SRL: variants seen among roughly 807,000 people sequenced by gnomAD.
SRL encodes the protein sarcalumenin.
A neutral mutation model predicts 39.5 loss-of-function variants in SRL; 23 were observed. The observed-to-expected ratio is 0.58, with a 90% confidence interval of 0.42 to 0.82. The LOEUF (loss-of-function observed/expected upper bound fraction) is 0.82. SRL is among the 40% of genes least tolerant of loss of function. The probability of loss-of-function intolerance (pLI) is 0.00; values close to 1 mark genes in which losing one functional copy is unlikely to be tolerated. For missense variants in SRL, 592 were observed against 607.8 expected, an observed-to-expected ratio of 0.97 and a Z score of 0.27; for synonymous variants, 272 against 237.4, an observed-to-expected ratio of 1.15 and a Z score of -1.34.
At chr16:4,232,557 C>A (rs2052670995) in intron 1 of SRL, among the ~76,000 whole-genome samples, 2 of 151,928 alleles carry the variant, frequency 1.3e-5, no homozygotes, top group African/African-American at 4.8e-5. Context: ...GGCACCCAGA[C>A]TGGAGTGCAC....
At chr16:4,214,947 T>C (rs1232806433) in intron 1 of SRL, among the ~76,000 whole-genome samples, 1 of 152,034 alleles carries the variant, frequency 6.6e-6, no homozygotes, top group Non-Finnish European at 1.5e-5. Flanking sequence ...TTTGTATTTT[T>C]AGTAGAGACA....
intron 1 of SRL, among the ~76,000 whole-genome samples, chr16:4,229,079 G>A (rs1471688556): frequency 1.3e-5 from 2 of 151,996 alleles, no homozygotes; most frequent in East Asian, 1.9e-4. Context: ...AATCAACCCA[G>A]ATGCCCACCA....
chr16:4,199,007 G>A (rs1293935902), intron 3 of SRL, among the ~76,000 whole-genome samples: 3 of 152,128 alleles, frequency 2.0e-5, no homozygotes. Context: ...TCTTATTGCA[G>A]ATTTTCAGGC....
chr16:4,228,554 T>G lies in SRL; in HGVS notation c.61+13453A>C, dbSNP rs190477290. Among the ~76,000 whole-genome samples, 689 of 151,492 alleles carry G rather than the reference T, an allele frequency of 4.5e-3. 23 individuals carry two copies. The highest frequency in any genetic ancestry group is 0.043 in the Admixed American group (649 of 15,214). On this transcript the variant is annotated intron_variant, in intron 1 of 5. Transcript: ENST00000399609. ...ATCGAGACCATCCTGGCTAACACGG[T>G]GAAACCCCGTCTCTACTAAAAATAC...
chr16:4,192,507 G>A lies in SRL; in HGVS notation c.1068C>T (p.Asp356=). 6.2e-7 allele frequency: 1 copy of A among 1,614,204 alleles called. No homozygotes were observed. Among genetic ancestry groups the A allele is most frequent in the East Asian group, 2.2e-5 (1 of 44,884 alleles). Residue 356 remains aspartate (D), a synonymous_variant, in exon 6 of 6, where the codon GAC becomes GAT. Transcript: ENST00000399609. The surrounding 1 kb of genome is among the most constrained non-coding windows in gnomAD (Gnocchi z 4.0). Reference sequence around the variant, plus strand: ...CTCCATCACTGAAGAAGGTCATTTTGTCCTTGTAAGTCTGCAGGTAGCGGT... The same window carrying A: ...CTCCATCACTGAAGAAGGTCATTTTATCCTTGTAAGTCTGCAGGTAGCGGT... ...LVDRYLQTYK[D]KMTFFSDGEL...
At chr16:4,236,352 G>A (rs1391347267) in intron 1 of SRL, among the ~76,000 whole-genome samples, 2 of 152,028 alleles carry the variant, frequency 1.3e-5, no homozygotes, top group African/African-American at 2.4e-5. Context: ...GAAGACCTGG[G>A]CTTGCAGGTC....
chr16:4,198,016 T>C, intron 3 of SRL, 101 bp from the exon 4 acceptor site: 2 of 815,684 alleles, frequency 2.5e-6, no homozygotes, highest in South Asian at 2.9e-5. Context: ...TCCAACTGAG[T>C]TGTGGAATTC....
chr16:4,217,507 G>C (rs1390210038), intron 1 of SRL, among the ~76,000 whole-genome samples: 3 of 152,240 alleles, frequency 2.0e-5, no homozygotes, highest in South Asian at 2.1e-4. Flanking sequence ...CAGCCTTAGC[G>C]TCTCAAAGTG....
intron 1 of SRL, among the ~76,000 whole-genome samples, chr16:4,225,030 T>C (rs112565640): frequency 1.6e-3 from 246 of 152,168 alleles, no homozygotes; most frequent in African/African-American, 5.8e-3. Flanking sequence ...TATACGAAAG[T>C]CCAGAATAAG....
At chr16:4,236,736 C>T (rs377002514) in intron 1 of SRL, among the ~76,000 whole-genome samples, 199 of 152,180 alleles carry the variant, frequency 1.3e-3, no homozygotes, top group African/African-American at 4.6e-3. Flanking sequence ...CTCTGCCTCC[C>T]GGGTACAAGC....
intron 5 of SRL, 102 bp from the exon 6 acceptor site, chr16:4,193,066 A>C: frequency 3.0e-6 from 3 of 1,011,592 alleles, no homozygotes; most frequent in Non-Finnish European, 4.3e-6. Context: ...AAGAAGGAAC[A>C]GCGCTACGGA....
At chr16:4,198,538 C>G (rs1302097398) in intron 3 of SRL, among the ~76,000 whole-genome samples, 1 of 152,126 alleles carries the variant, frequency 6.6e-6, no homozygotes, top group Non-Finnish European at 1.5e-5. Flanking sequence ...AATTACTGGG[C>G]TCAAGCAATC....
Position 4,242,023 on chromosome 16 carries a change from C to G in SRL, c.45G>C (p.Leu15=). The G allele has an allele frequency of 1.9e-6, 3 of 1,613,616 alleles. No homozygotes were observed. Among genetic ancestry groups the G allele is most frequent in the African/African-American group, 1.3e-5 (1 of 75,054 alleles). ...GGGCCCTACCTGCTTGTCCTGAGAA[C>G]AGGAGCGAGGCCAGGAGGCAGCCGA... ...VLLGCLLASL[L]FSGQAEETED... Residue 15 remains leucine (L), a synonymous_variant, in exon 1 of 6, where the codon CTG becomes CTC. Transcript: ENST00000399609.
At chr16:4,208,171 A>G (rs553161008) in intron 1 of SRL, 7 of 379,558 alleles carry the variant, frequency 1.8e-5, no homozygotes, top group South Asian at 1.2e-4. Context: ...TCAAGAGTCT[A>G]TAATAACCTA....
chr16:4,195,326 A>C (rs2052121058), intron 5 of SRL, among the ~76,000 whole-genome samples: 1 of 152,120 alleles, frequency 6.6e-6, no homozygotes, highest in African/African-American at 2.4e-5. Flanking sequence ...CCTCCTGGGT[A>C]GCTAGGACCA....
chr16:4,207,012 TG>T (rs748800863), intron 1 of SRL: 8 of 453,894 alleles, frequency 1.8e-5, no homozygotes, highest in South Asian at 1.2e-4. Flanking sequence ...CTCGGCTTCC[TG>T]GGGATCCCCG....
Position 4,197,029 on chromosome 16 carries a change from C to CT in SRL, c.376+769dup, listed in dbSNP as rs1260890442. Among the ~76,000 whole-genome samples the CT allele has an allele frequency of 1.8e-4, 19 of 102,740 alleles. 1 individual carries two copies. In the South Asian group the frequency reaches 6.1e-3, roughly 33 times the overall value. 67.4% of individuals were successfully genotyped at this position (102,740 alleles called of 152,430 possible). On this transcript the variant is annotated intron_variant, in intron 4 of 5. Coordinates refer to ENST00000399609, the MANE Select transcript of SRL (RefSeq NM_001098814.2). The stretch of plus-strand genomic sequence containing the variant: ...CTGCTATGGACATTGGTGCAGATGT[C>CT]TTTTTTTGTTTTCTGTTTTTTCCAA...
rs1045713825 is a variant in SRL, at chr16:4,190,416, G to C, written c.*1737C>G. ...GGACAGCTTGTTCCCAAGAGAAGCG[G>C]CTGGCTGTGTACAAAGGAGCCCCTC... On this transcript the variant is annotated 3_prime_UTR_variant, in exon 6 of 6. Coordinates refer to ENST00000399609, the MANE Select transcript of SRL (RefSeq NM_001098814.2). The C allele has an allele frequency of 7.5e-6, 3 of 398,730 alleles. No individual in the cohort carries two copies. The highest frequency in any genetic ancestry group is 4.4e-5 in the Admixed American group (1 of 22,712). The allele number at this position is 398,730 out of a possible 1,614,324, so 24.7% of individuals were successfully genotyped here.
Position 4,190,245 on chromosome 16 carries a change from G to C in SRL, c.*1908C>G. On this transcript the variant is annotated 3_prime_UTR_variant, in exon 6 of 6. Transcript: ENST00000399609. ...TTCCTAACTCGAGGTTCTCCTCATA[G>C]ACCTAACCTGACTGCCAACTGGCTT... 2.5e-6 allele frequency: 1 copy of C among 398,770 alleles called. No homozygotes were observed. The highest frequency in any genetic ancestry group is 4.4e-6 in the Non-Finnish European group (1 of 226,246). The allele number at this position is 398,770 out of a possible 1,614,324, so 24.7% of individuals were successfully genotyped here.
Sources: gnomAD v4.1 joint callset for allele counts (sites outside exome capture counted in the v4.1 genomes callset) on GRCh38, gnomAD v4.1.1 for gene constraint, Gnocchi (gnomAD v3.1) non-coding constraint, MANE v1.5 for transcripts, NCBI Gene and HGNC (gene_info 2026-07-23, HGNC 2026-07-21) for gene names.